The following SH3D19 variants were observed in gnomAD, a reference collection of about 807,000 sequenced individuals.
SH3D19 encodes the protein SH3 domain-containing protein 19.
A neutral mutation model predicts 112.1 loss-of-function variants in SH3D19; 58 were observed. The ratio of observed to expected loss-of-function variants is 0.52; its 90% confidence interval spans 0.42 to 0.64. SH3D19 has a LOEUF of 0.64. Ranked by LOEUF, SH3D19 falls within the 30% of genes least tolerant of loss-of-function variation. The probability of loss-of-function intolerance (pLI) is 0.00; values close to 1 mark genes in which losing one functional copy is unlikely to be tolerated. For synonymous variants in SH3D19, 391 were observed against 448.5 expected (o/e 0.87, Z 1.62); for missense variants, 1,090 against 1,263.4 (o/e 0.86, Z 2.08).
At chr4:151,231,641 A>C (rs1769616584) in intron 1 of SH3D19, among the ~76,000 whole-genome samples, 1 of 152,226 alleles carries the variant, frequency 6.6e-6, no homozygotes, top group African/African-American at 2.4e-5. Context: ...AAAAAAGCCA[A>C]GAAATTAAAG....
At chr4:151,321,188 C>T (rs1730497298) in intron 1 of SH3D19, among the ~76,000 whole-genome samples, 1 of 152,144 alleles carries the variant, frequency 6.6e-6, no homozygotes, top group Non-Finnish European at 1.5e-5. Context: ...TTCCCCCACC[C>T]AAGCTATCCT....
intron 8 of SH3D19, among the ~76,000 whole-genome samples, chr4:151,164,725 G>A (rs111448534): frequency 0.055 from 8,378 of 151,872 alleles, 713 homozygotes; most frequent in African/African-American, 0.19. Flanking sequence ...GACTACAGGC[G>A]CGCAGCACCA....
intron 1 of SH3D19, among the ~76,000 whole-genome samples, chr4:151,294,536 G>C (rs1369926063): frequency 6.6e-6 from 1 of 152,218 alleles, no homozygotes; most frequent in African/African-American, 2.4e-5. Flanking sequence ...CCCAGGGGGT[G>C]GTGGGGCAGT....
At chr4:151,295,738 C>T (rs1409569002) in intron 1 of SH3D19, among the ~76,000 whole-genome samples, 1 of 152,084 alleles carries the variant, frequency 6.6e-6, no homozygotes, top group East Asian at 1.9e-4. Flanking sequence ...TTAAAAGAAC[C>T]CTAGAAAACG....
At chr4:151,155,580 T>C (rs771946972) in intron 9 of SH3D19, among the ~76,000 whole-genome samples, 11 of 151,766 alleles carry the variant, frequency 7.2e-5, no homozygotes, top group South Asian at 2.1e-4. Flanking sequence ...ATATGCCATA[T>C]GGACATTTAA....
intron 1 of SH3D19, among the ~76,000 whole-genome samples, chr4:151,272,538 T>A (rs1428714860): frequency 6.6e-6 from 1 of 152,184 alleles, no homozygotes; most frequent in East Asian, 1.9e-4. Flanking sequence ...TAAATCAGGA[T>A]CCAAACACAC....
At chr4:151,283,223 G>A in intron 1 of SH3D19, 1 of 1,613,818 alleles carries the variant, frequency 6.2e-7, no homozygotes, top group Non-Finnish European at 8.5e-7. Context: ...CAGCACTGGA[G>A]CCAGTCATCA....
chr4:151,160,156 G>A (rs965664620), intron 8 of SH3D19, among the ~76,000 whole-genome samples: 3 of 148,814 alleles, frequency 2.0e-5, no homozygotes, highest in Admixed American at 6.8e-5. Flanking sequence ...GTGCAATCTC[G>A]GCTCACTGTA....
chr4:151,317,350 G>T (rs1730089267), intron 1 of SH3D19, among the ~76,000 whole-genome samples: 1 of 152,186 alleles, frequency 6.6e-6, no homozygotes, highest in Admixed American at 6.5e-5. Flanking sequence ...GGCCCAGAAA[G>T]ATGCTATAAA....
intron 1 of SH3D19, among the ~76,000 whole-genome samples, chr4:151,324,195 GTTC>G (rs1251106448): frequency 6.6e-6 from 1 of 152,184 alleles, no homozygotes; most frequent in Non-Finnish European, 1.5e-5. Context: ...TCTTCAAGAT[GTTC>G]TTCTCAAGTT....
At chr4:151,223,249 A>C (rs962807358) in intron 2 of SH3D19, among the ~76,000 whole-genome samples, 2 of 150,014 alleles carry the variant, frequency 1.3e-5, no homozygotes, top group African/African-American at 4.9e-5. Flanking sequence ...ACAACTTTTT[A>C]CAGAAGTTTT....
chr4:151,294,641 T>A (rs114390567), intron 1 of SH3D19, among the ~76,000 whole-genome samples: 1,699 of 152,352 alleles, frequency 0.011, 31 homozygotes, highest in African/African-American at 0.037. Context: ...ACAGTATGTC[T>A]ACGTGCATTC....
At chr4:151,144,286 C>T (rs371533943) in intron 11 of SH3D19, 51 of 1,613,660 alleles carry the variant, frequency 3.2e-5, no homozygotes, top group Non-Finnish European at 4.0e-5. Context: ...GAGGCACAGA[C>T]AGCTTAAACG....
chr4:151,133,413 T>C (rs913632427), intron 15 of SH3D19, among the ~76,000 whole-genome samples, 177 bp from the exon 16 acceptor site: 5 of 152,216 alleles, frequency 3.3e-5, no homozygotes, highest in East Asian at 1.9e-4. Context: ...GTAACAGATA[T>C]GAACCTATTC....
At chr4:151,192,336 G>T (rs1372320392) in intron 2 of SH3D19, among the ~76,000 whole-genome samples, 1 of 152,124 alleles carries the variant, frequency 6.6e-6, no homozygotes. Flanking sequence ...GTAATATGAG[G>T]ATACTAGTGC....
rs566025359 is a variant in SH3D19 at position 151,301,411 on chromosome 4, G to C, written c.112+23830C>G. On this transcript the variant is annotated intron_variant, in intron 1 of 19. Coordinates refer to ENST00000604030, the MANE Select transcript of SH3D19 (RefSeq NM_001378122.1). ...CCCAGCTAATTTTGTATTTTTAGTA[G>C]AGACAGGATTTCTCCATGTTGGTCA... Among the ~76,000 whole-genome samples, 129 of 152,278 alleles carry C rather than the reference G, an allele frequency of 8.5e-4. 1 individual carries two copies. The highest frequency in any genetic ancestry group is 3.0e-3 in the African/African-American group (126 of 41,560).
intron 2 of SH3D19, among the ~76,000 whole-genome samples, chr4:151,187,928 A>T (rs1762043443): frequency 6.6e-6 from 1 of 152,164 alleles, no homozygotes; most frequent in Non-Finnish European, 1.5e-5. Flanking sequence ...ATCACCACCT[A>T]AAAATAAAAT....
chr4:151,299,546 C>G (rs1015670787), intron 1 of SH3D19, among the ~76,000 whole-genome samples: 1 of 147,666 alleles, frequency 6.8e-6, no homozygotes, highest in African/African-American at 2.5e-5. Context: ...CGCCACTGCA[C>G]TCCAGCCTGG....
intron 19 of SH3D19, among the ~76,000 whole-genome samples, chr4:151,122,446 A>G (rs918082522): frequency 6.6e-6 from 1 of 151,652 alleles, no homozygotes; most frequent in African/African-American, 2.4e-5. Flanking sequence ...TCCCTCTTAT[A>G]CTTTGTGCCT....
Sources: gnomAD v4.1 joint callset for allele counts (sites outside exome capture counted in the v4.1 genomes callset) on GRCh38, gnomAD v4.1.1 for gene constraint, MANE v1.5 for transcripts, NCBI Gene and HGNC (gene_info 2026-07-23, HGNC 2026-07-21) for gene names.